RUNX3: variants seen among roughly 807,000 people sequenced by gnomAD.
The protein encoded by RUNX3 is runt-related transcription factor 3.
Under a neutral mutation model 27.7 loss-of-function variants are expected in RUNX3, and 10 were observed. That is an observed-to-expected ratio of 0.36 (90% CI 0.22 to 0.61). RUNX3 has a LOEUF of 0.61. RUNX3 is among the 20% of genes least tolerant of loss of function. The pLI is 0.72. For synonymous variants in RUNX3, 270 were observed against 269.2 expected, an observed-to-expected ratio of 1.00 and a Z score of -0.03; for missense variants, 469 against 629.5, an observed-to-expected ratio of 0.75 and a Z score of 2.73.
intron 2 of RUNX3, among the ~76,000 whole-genome samples, chr1:24,950,424 G>A (rs1557858134): frequency 6.6e-6 from 1 of 152,174 alleles, no homozygotes; most frequent in Non-Finnish European, 1.5e-5. Flanking sequence ...GAGGCAGACT[G>A]GACCCGGGCC....
At position 24,923,271 on chromosome 1, in the gene RUNX3, G is replaced by A. The variant is rs1021095989; in HGVS notation, c.440-3927C>T. Among the ~76,000 whole-genome samples, 1 of 152,194 alleles carries A rather than the reference G, an allele frequency of 6.6e-6. No individual in the cohort carries two copies. Among genetic ancestry groups the A allele is most frequent in the African/African-American group, 2.4e-5 (1 of 41,434 alleles). ...AGAGGAGGAGTGAGAGGGAGGGGCA[G>A]GAGTCCTGGACCTCGGGAGACAGGG... On this transcript the variant is annotated intron_variant, in intron 2 of 4. Coordinates refer to ENST00000308873, the MANE Select transcript of RUNX3 (RefSeq NM_004350.3). This position sits in a 1 kb window ranked among gnomAD's most constrained non-coding sequence, Gnocchi z 5.9.
Position 24,927,423 on chromosome 1 carries a change from TAATATCCTACAGGATTAC to T in RUNX3, c.439+133_439+150del. The T allele has an allele frequency of 1.4e-6, 1 of 716,262 alleles. No individual in the cohort carries two copies. The highest frequency in any genetic ancestry group is 1.8e-5 in the South Asian group (1 of 56,528). 44.4% of individuals were successfully genotyped at this position (716,262 alleles called of 1,614,324 possible). On this transcript the variant is annotated intron_variant, in intron 2 of 4. Coordinates refer to ENST00000308873, the MANE Select transcript of RUNX3 (RefSeq NM_004350.3). This position sits in a 1 kb window ranked among gnomAD's most constrained non-coding sequence, Gnocchi z 5.0. ...TTCCTCACCTCCTCAAAGCGATCTG[TAATATCCTACAGGATTAC>T]AAATTGCTGTTTTTAGACAGAGCTG...
chr1:24,902,772 C>T lies in RUNX3; in HGVS notation c.704-106G>A. 1 of 1,038,962 alleles carries T rather than the reference C, an allele frequency of 9.6e-7. No homozygotes were observed. Among genetic ancestry groups the T allele is most frequent in the Non-Finnish European group, 1.3e-6 (1 of 743,176 alleles). 64.4% of individuals were successfully genotyped at this position (1,038,962 alleles called of 1,614,324 possible). A position where few individuals can be genotyped will look rare whatever the true frequency, so the allele number is the denominator to read the frequency against. Reference sequence around the variant, plus strand: ...GTTCCCAAGGCCCATCTGGGGGACCCCTAGTTCTAGACCTGGCTCTCCTCT... The same window carrying T: ...GTTCCCAAGGCCCATCTGGGGGACCTCTAGTTCTAGACCTGGCTCTCCTCT... On this transcript the variant is annotated intron_variant, in intron 4 of 4. Coordinates refer to ENST00000308873, the MANE Select transcript of RUNX3 (RefSeq NM_004350.3). The surrounding 1 kb of genome is among the most constrained non-coding windows in gnomAD (Gnocchi z 9.2).
chr1:24,902,042 G>C lies in RUNX3; in HGVS notation c.*80C>G. Reference sequence around the variant, plus strand: ...TGGAGCGCAGGTCCCATTCCCGCCCGGAGCCTCGGAGCCGGCCCATCACTG... The same window carrying C: ...TGGAGCGCAGGTCCCATTCCCGCCCCGAGCCTCGGAGCCGGCCCATCACTG... On this transcript the variant is annotated 3_prime_UTR_variant, in exon 5 of 5. Coordinates refer to ENST00000308873, the MANE Select transcript of RUNX3 (RefSeq NM_004350.3). The surrounding 1 kb of genome is among the most constrained non-coding windows in gnomAD (Gnocchi z 9.2). 2 of 1,346,184 alleles carry C rather than the reference G, an allele frequency of 1.5e-6. No homozygotes were observed. The highest frequency in any genetic ancestry group is 2.0e-6 in the Non-Finnish European group (2 of 1,014,132). 83.4% of individuals were successfully genotyped at this position (1,346,184 alleles called of 1,614,324 possible).
chr1:24,961,709 G>A lies in RUNX3; in HGVS notation c.58+2805C>T, dbSNP rs549021370. On this transcript the variant is annotated intron_variant, in intron 2 of 6. Coordinates refer to the RUNX3 transcript ENST00000338888. ...TGATTCCGCAGTCTGAGGTAGGAAT[G>A]GAGAATCCTCCACAGCCTGAGGTAG... 5 of 152,348 alleles carry A rather than the reference G, an allele frequency of 3.3e-5. No individual in the cohort carries two copies. The East Asian group carries it at 7.7e-4, about 23-fold the overall frequency. The allele number at this position is 152,348 out of a possible 1,614,324, so 9.4% of individuals were successfully genotyped here.
intron 2 of RUNX3, among the ~76,000 whole-genome samples, chr1:24,959,894 G>A (rs929960745): frequency 5.3e-5 from 8 of 152,294 alleles, no homozygotes; most frequent in Non-Finnish European, 1.0e-4. Flanking sequence ...CACGCTCCCA[G>A]CCCTCCCTGT....
rs963708276 is a variant in RUNX3 at position 24,943,948 on chromosome 1, A to C, written c.59-14096T>G. On this transcript the variant is annotated intron_variant, in intron 2 of 6. Transcript: ENST00000338888. The surrounding 1 kb of genome is among the most constrained non-coding windows in gnomAD (Gnocchi z 4.6). Reference sequence around the variant, plus strand: ...AGTTTGGCCTTTGATGTTAGGGAAGATCACCAGTTCCCTGGTGTTGTGGGA... The same window carrying C: ...AGTTTGGCCTTTGATGTTAGGGAAGCTCACCAGTTCCCTGGTGTTGTGGGA... Among the ~76,000 whole-genome samples, 2 of 152,202 alleles carry C rather than the reference A, an allele frequency of 1.3e-5. No homozygotes were observed. The highest frequency in any genetic ancestry group is 4.8e-5 in the African/African-American group (2 of 41,442).
chr1:24,919,362 T>C lies in RUNX3; in HGVS notation c.440-18A>G. ...ACTCTTCCCTGGGGAGAGTGGGGAA[T>C]AGAGGCAGGTGGTTGGCACCTGGAG... is the stretch of plus-strand genomic sequence containing the variant. On this transcript the variant is annotated intron_variant, in intron 2 of 4. Transcript: ENST00000308873. The C allele has an allele frequency of 1.3e-6, 2 of 1,569,872 alleles. No homozygotes were observed. The highest frequency in any genetic ancestry group is 3.4e-5 in the Admixed American group (2 of 59,558).
At chr1:24,911,685 G>C (rs1640799146) in intron 3 of RUNX3, among the ~76,000 whole-genome samples, 1 of 152,230 alleles carries the variant, frequency 6.6e-6, no homozygotes, top group Non-Finnish European at 1.5e-5. Context: ...AGCCTGAGCA[G>C]CAAGGCAGGA....
intron 2 of RUNX3, among the ~76,000 whole-genome samples, chr1:24,922,439 G>A (rs545648484): frequency 2.2e-4 from 34 of 152,124 alleles, no homozygotes; most frequent in African/African-American, 7.2e-4. Context: ...AAGTACGAGC[G>A]TAGGCAACAA....
Position 24,902,218 on chromosome 1 carries a change from C to T in RUNX3, c.1152G>A (p.Gln384=), listed in dbSNP as rs1640568861. ...TGCCGTCGGCCTCCACGCCATCACT[C>T]TGGCCGCCCAGGCTGGGGTTCATGA... The part of the protein sequence containing the change: ...GNLMNPSLGG[Q]SDGVEADGSH... The change falls in exon 5 of 5, where the codon CAG becomes CAA. Residue 384 remains glutamine (Q), a synonymous_variant. Coordinates refer to ENST00000308873, the MANE Select transcript of RUNX3 (RefSeq NM_004350.3). This position sits in a 1 kb window ranked among gnomAD's most constrained non-coding sequence, Gnocchi z 9.2. 2 of 1,571,950 alleles carry T rather than the reference C, an allele frequency of 1.3e-6. No homozygotes were observed. Among genetic ancestry groups the T allele is most frequent in the East Asian group, 2.3e-5 (1 of 43,354 alleles).
intron 3 of RUNX3, among the ~76,000 whole-genome samples, chr1:24,917,097 C>T (rs1452350508): frequency 6.6e-6 from 1 of 152,156 alleles, no homozygotes; most frequent in East Asian, 1.9e-4. Flanking sequence ...GCATGGAGGG[C>T]TCTCAGAGGG....
At position 24,964,530 on chromosome 1, in the gene RUNX3, C is replaced by G. The variant is rs143446859; in HGVS notation, c.42G>C (p.Ser14=). The change falls in exon 2 of 7, where the codon TCG becomes TCC. Residue 14 remains serine (S), a synonymous_variant. Transcript: ENST00000338888. ...GTTACTCACCGCGGATGAAGGTCGG[C>G]GAGTAGGTCGGGAAGGAGTCGAAGA... 808 of 1,611,542 alleles carry G rather than the reference C, an allele frequency of 5.0e-4. 8 individuals are homozygous for G. In the African/African-American group the frequency reaches 9.8e-3, roughly 20 times the overall value.
chr1:24,964,584 AG>A (rs1642208904), exon 2 of RUNX3: 1 of 1,606,236 alleles, frequency 6.2e-7, no homozygotes, highest in Non-Finnish European at 8.5e-7. Flanking sequence ...CCCGCTCTGA[AG>A]AAGGCGAGAA....
chr1:24,951,266 C>G (rs1004039267), intron 2 of RUNX3, among the ~76,000 whole-genome samples: 1 of 151,192 alleles, frequency 6.6e-6, no homozygotes, highest in Non-Finnish European at 1.5e-5. Flanking sequence ...GAAAGAAGCT[C>G]TTTCCCTGCA....
chr1:24,908,238 C>T (rs566410465), intron 3 of RUNX3, among the ~76,000 whole-genome samples: 5 of 150,652 alleles, frequency 3.3e-5, no homozygotes, highest in Admixed American at 6.6e-5. Context: ...CTCTATGACA[C>T]GCGGTGATCT....
Position 24,902,019 on chromosome 1 carries a change from G to A in RUNX3, c.*103C>T. ...CCACCCTGGGACCGAGACCACCCTG[G>A]AGCGCAGGTCCCATTCCCGCCCGGA... On this transcript the variant is annotated 3_prime_UTR_variant, in exon 5 of 5. Transcript: ENST00000308873. The surrounding 1 kb of genome is among the most constrained non-coding windows in gnomAD (Gnocchi z 9.2). 1 of 1,122,824 alleles carries A rather than the reference G, an allele frequency of 8.9e-7. No individual in the cohort carries two copies. Among genetic ancestry groups the A allele is most frequent in the Non-Finnish European group, 1.2e-6 (1 of 813,204 alleles). 69.6% of individuals were successfully genotyped at this position (1,122,824 alleles called of 1,614,324 possible). A position where few individuals can be genotyped will look rare whatever the true frequency, so the allele number is the denominator to read the frequency against.
chr1:24,953,701 C>G (rs893534567), intron 2 of RUNX3, among the ~76,000 whole-genome samples: 1 of 152,124 alleles, frequency 6.6e-6, no homozygotes, highest in Non-Finnish European at 1.5e-5. Flanking sequence ...ATCCCTAATT[C>G]AAAAATCTAA....
At chr1:24,956,251 G>A (rs1363544939) in intron 2 of RUNX3, among the ~76,000 whole-genome samples, 2 of 152,370 alleles carry the variant, frequency 1.3e-5, no homozygotes, top group Non-Finnish European at 2.9e-5. Flanking sequence ...GTTCCTGGGA[G>A]GGTGGGACTG....
Sources: allele counts gnomAD v4.1 joint callset (sites outside exome capture counted in the v4.1 genomes callset), GRCh38; gene constraint gnomAD v4.1.1; non-coding constraint Gnocchi (gnomAD v3.1); transcripts MANE v1.5; gene names NCBI Gene and HGNC (gene_info 2026-07-23, HGNC 2026-07-21).